Variants in CDH1 observed in about 807,000 individuals in gnomAD.
The protein encoded by CDH1 is cadherin 1, also known as cadherin-1.
In CDH1, 35 loss-of-function variants were observed where a neutral mutation model predicts 84.5. The observed-to-expected ratio is 0.41, with a 90% CI of 0.32 to 0.55. CDH1 has a LOEUF of 0.55. Ranked by LOEUF, CDH1 falls within the 20% of genes least tolerant of loss-of-function variation. The pLI is 0.19. For missense variants in CDH1, 994 were observed against 1,126.6 expected, an observed-to-expected ratio of 0.88 and a Z score of 1.68; for synonymous variants, 417 against 439.0, an observed-to-expected ratio of 0.95 and a Z score of 0.63.
chr16:68,749,523 T>G (rs554223116), intron 2 of CDH1, among the ~76,000 whole-genome samples: 1 of 152,368 alleles, frequency 6.6e-6, no homozygotes, highest in South Asian at 2.1e-4. Flanking sequence ...GAGTGTTTAC[T>G]TGAAGGTGGC....
intron 2 of CDH1, among the ~76,000 whole-genome samples, chr16:68,781,112 G>A (rs1959866104): frequency 6.6e-6 from 1 of 152,142 alleles, no homozygotes; most frequent in Non-Finnish European, 1.5e-5. Flanking sequence ...CTCACCTTTT[G>A]ACCACCCTGT....
intron 2 of CDH1, among the ~76,000 whole-genome samples, chr16:68,740,681 G>C (rs925814749): frequency 6.6e-6 from 1 of 152,096 alleles, no homozygotes; most frequent in Admixed American, 6.6e-5. Context: ...TCCTGTGTTT[G>C]ACCAATAATA....
intron 12 of CDH1, chr16:68,822,501 C>A: frequency 1.8e-6 from 1 of 555,890 alleles, no homozygotes; most frequent in Non-Finnish European, 3.3e-6. Context: ...CCACTTGCAA[C>A]CAGGACCATC....
rs1275496047 is a variant in CDH1 at position 68,823,452 on chromosome 16, A to C, written c.1990A>C (p.Lys664Gln). The C allele has an allele frequency of 6.2e-7, 1 of 1,614,110 alleles. No homozygotes were observed. Among genetic ancestry groups the C allele is most frequent in the East Asian group, 2.2e-5 (1 of 44,880 alleles). Residue 664 changes from lysine to glutamine, a missense_variant, in exon 13 of 16, where the codon AAA (lysine) becomes CAA (glutamine). Coordinates refer to ENST00000261769, the MANE Select transcript of CDH1 (RefSeq NM_004360.5). Reference sequence around the variant, plus strand: ...GATGGCCTTAGAGGTGGGTGACTACAAAATCAATCTCAAGCTCATGGATAA... The same window carrying C: ...GATGGCCTTAGAGGTGGGTGACTACCAAATCAATCTCAAGCTCATGGATAA... Reference protein sequence around the residue: ...PKMALEVGDYKINLKLMDNQN... With the variant: ...PKMALEVGDYQINLKLMDNQN...
At chr16:68,829,844 CAGG>C in intron 15 of CDH1, 47 bp downstream of exon 15, 6 of 1,588,270 alleles carry the variant, frequency 3.8e-6, no homozygotes, top group African/African-American at 1.3e-5. Context: ...TCTCTAAGCT[CAGG>C]AGGAGTTGTG....
intron 2 of CDH1, among the ~76,000 whole-genome samples, chr16:68,750,903 C>A (rs1196649348): frequency 1.3e-5 from 2 of 152,020 alleles, no homozygotes; most frequent in Admixed American, 6.6e-5. Context: ...AGGGATCTCG[C>A]TATATTGCCC....
chr16:68,835,117 A>G lies in CDH1; in HGVS notation c.*1618A>G. 4.3e-6 allele frequency: 1 copy of G among 231,802 alleles called. No homozygotes were observed. The highest frequency in any genetic ancestry group is 1.8e-4 in the South Asian group (1 of 5,504). The allele number at this position is 231,802 out of a possible 1,614,324, so 14.4% of individuals were successfully genotyped here. A position where few individuals can be genotyped will look rare whatever the true frequency, so the allele number is the denominator to read the frequency against. ...CAGGTGTGCACAGAAAACCGAGAAT[A>G]TTCAAAATTCCAAATTTTTTTCTTA... On this transcript the variant is annotated 3_prime_UTR_variant, in exon 16 of 16. Coordinates refer to ENST00000261769, the MANE Select transcript of CDH1 (RefSeq NM_004360.5).
At position 68,738,936 on chromosome 16, in the gene CDH1, CTTTTT is replaced by C. The variant is rs1555509828; in HGVS notation, c.163+549_163+553del. ...TGGCTTTTGTTTACAGATATAAAAG[CTTTTT>C]TTTTTTTTTTTTTTTTTTTTTTTAA... On this transcript the variant is annotated intron_variant, in intron 2 of 15. Transcript: ENST00000261769. 2.4e-3 allele frequency among the ~76,000 whole-genome samples: 28 copies of C among 11,440 alleles called. 3 individuals carry two copies. The highest frequency in any genetic ancestry group is 4.2e-3 in the Non-Finnish European group (18 of 4,332). The allele number at this position is 11,440 out of a possible 152,430, so 7.5% of individuals were successfully genotyped here. A position where few individuals can be genotyped will look rare whatever the true frequency, so the allele number is the denominator to read the frequency against.
intron 2 of CDH1, among the ~76,000 whole-genome samples, chr16:68,795,589 T>C (rs1960337310): frequency 6.6e-6 from 1 of 152,016 alleles, no homozygotes; most frequent in Non-Finnish European, 1.5e-5. Flanking sequence ...CTGCCTCCTG[T>C]GTTCGAGCAA....
intron 2 of CDH1, among the ~76,000 whole-genome samples, chr16:68,769,102 C>T (rs1204802208): frequency 6.6e-6 from 1 of 152,170 alleles, no homozygotes; most frequent in Non-Finnish European, 1.5e-5. Context: ...GCTTGTCTCC[C>T]TCTCTTTGAA....
At chr16:68,807,188 A>G (rs1476062588) in intron 3 of CDH1, among the ~76,000 whole-genome samples, 1 of 152,206 alleles carries the variant, frequency 6.6e-6, no homozygotes, top group Non-Finnish European at 1.5e-5. Flanking sequence ...ACTGTTCAAT[A>G]CAAGTCTCAA....
chr16:68,822,276 C>G (rs1222282255), intron 12 of CDH1, 51 bp downstream of exon 12: 1 of 1,234,282 alleles, frequency 8.1e-7, no homozygotes, highest in East Asian at 2.3e-5. Context: ...GCCATGCTTC[C>G]CTTCCCCCAG....
intron 2 of CDH1, among the ~76,000 whole-genome samples, chr16:68,764,938 A>G (rs141399957): frequency 2.4e-3 from 367 of 152,340 alleles, no homozygotes; most frequent in Middle Eastern, 6.8e-3. Flanking sequence ...AAGTTAACTT[A>G]CATGGTTTTG....
intron 2 of CDH1, among the ~76,000 whole-genome samples, chr16:68,792,396 A>G (rs947212284): frequency 4.6e-5 from 7 of 151,920 alleles, no homozygotes; most frequent in Non-Finnish European, 8.8e-5. Flanking sequence ...CGCCTGGCTA[A>G]TTTTTGTATT....
intron 2 of CDH1, among the ~76,000 whole-genome samples, chr16:68,771,744 C>A (rs1200070380): frequency 7.8e-6 from 1 of 128,920 alleles, no homozygotes; most frequent in Admixed American, 8.5e-5. Context: ...GAGCAAGACT[C>A]CCTCTCAAAA....
At chr16:68,804,774 T>C (rs976461735) in intron 3 of CDH1, among the ~76,000 whole-genome samples, 4 of 151,810 alleles carry the variant, frequency 2.6e-5, no homozygotes, top group South Asian at 2.1e-4. Context: ...TCATTATATA[T>C]TGATTAATTT....
chr16:68,809,134 C>T (rs1960751214), intron 5 of CDH1: 1 of 469,890 alleles, frequency 2.1e-6, no homozygotes, highest in Admixed American at 3.4e-5. Context: ...CTGGAAGTCC[C>T]TGACCTAAAG....
chr16:68,738,936 CTTTTTTTTTTTTTTTT>C (rs1555509828), intron 2 of CDH1, among the ~76,000 whole-genome samples: 2 of 11,434 alleles, frequency 1.7e-4, no homozygotes. Context: ...GATATAAAAG[CTTTTTTTTTTTTTTTT>C]TTTTTTTTTT....
chr16:68,787,917 CT>C (rs1450666731), intron 2 of CDH1, among the ~76,000 whole-genome samples: 1 of 151,772 alleles, frequency 6.6e-6, no homozygotes, highest in African/African-American at 2.4e-5. Flanking sequence ...CCTCCGCCTC[CT>C]GGGTTCAAGC....
Sources: allele counts gnomAD v4.1 joint callset (sites outside exome capture counted in the v4.1 genomes callset), GRCh38; gene constraint gnomAD v4.1.1; transcripts MANE v1.5; gene names NCBI Gene and HGNC (gene_info 2026-07-23, HGNC 2026-07-21).